C1GALT1: variants seen among roughly 807,000 people sequenced by gnomAD.
C1GALT1 encodes the protein core 1 synthase, glycoprotein-N-acetylgalactosamine 3-beta-galactosyltransferase 1.
Under a neutral mutation model 31.0 loss-of-function variants are expected in C1GALT1, and 11 were observed. The observed-to-expected ratio is 0.36, with a 90% CI of 0.22 to 0.59. C1GALT1 has a LOEUF of 0.59. C1GALT1 is among the 20% of genes least tolerant of loss of function. The pLI, the probability that C1GALT1 is intolerant of heterozygous loss-of-function variation, is 0.79. For synonymous variants in C1GALT1, 175 were observed against 143.6 expected, an observed-to-expected ratio of 1.22 and a Z score of -1.56; for missense variants, 424 against 425.2, an observed-to-expected ratio of 1.00 and a Z score of 0.03.
chr7:7,182,351 G>A (rs740532), upstream of C1GALT1, among the ~76,000 whole-genome samples: 36,307 of 152,148 alleles, frequency 0.24, 4,853 homozygotes, highest in East Asian at 0.41. Flanking sequence ...GAGAGTAGCA[G>A]ACACAAGCCG....
intron 1 of C1GALT1, among the ~76,000 whole-genome samples, chr7:7,217,327 G>A (rs1013752430): frequency 5.9e-5 from 9 of 152,110 alleles, no homozygotes; most frequent in East Asian, 1.9e-4. Flanking sequence ...GGGGTGGGGG[G>A]GCTCCAAAGC....
chr7:7,232,563 G>T (rs1783137529), intron 1 of C1GALT1, among the ~76,000 whole-genome samples: 2 of 151,026 alleles, frequency 1.3e-5, no homozygotes, highest in Admixed American at 1.3e-4. Context: ...CATGATCTCG[G>T]TCCTGCAGTC....
At chr7:7,171,331 T>C (rs1253721469) in intron 2 of C1GALT1, among the ~76,000 whole-genome samples, 4 of 152,126 alleles carry the variant, frequency 2.6e-5, no homozygotes, top group Non-Finnish European at 4.4e-5. Context: ...TGATGATATA[T>C]ATATTTATCT....
chr7:7,196,680 A>G (rs1295355870), intron 1 of C1GALT1, among the ~76,000 whole-genome samples: 1 of 152,212 alleles, frequency 6.6e-6, no homozygotes, highest in Non-Finnish European at 1.5e-5. Flanking sequence ...AATCCCACCA[A>G]CAGTGTAAAA....
chr7:7,201,301 C>G (rs1378426172), intron 1 of C1GALT1, among the ~76,000 whole-genome samples: 1 of 152,322 alleles, frequency 6.6e-6, no homozygotes, highest in Admixed American at 6.5e-5. Context: ...TTATCACCAG[C>G]GGAGGCTGCA....
rs181298197 is a variant in C1GALT1, at chr7:7,211,630, C to G, written c.-17-22673C>G. ...GTGTGGTGTAGTAGATAATTTCCAT[C>G]TAAAATTTTACTTGCCAAGATAATT... On this transcript the variant is annotated intron_variant, in intron 1 of 3. Transcript: ENST00000436587. Among the ~76,000 whole-genome samples, 295 of 152,284 alleles carry G rather than the reference C, an allele frequency of 1.9e-3. 8 individuals carry two copies. The highest frequency in any genetic ancestry group is 0.016 in the Admixed American group (240 of 15,302).
chr7:7,222,419 T>C (rs1381439668), intron 1 of C1GALT1, among the ~76,000 whole-genome samples: 2 of 152,226 alleles, frequency 1.3e-5, no homozygotes, highest in Middle Eastern at 3.2e-3. Context: ...TTTTATTTTT[T>C]CTATGGTTGT....
chr7:7,176,368 A>G (rs1369518681), intron 2 of C1GALT1, among the ~76,000 whole-genome samples: 3 of 152,250 alleles, frequency 2.0e-5, no homozygotes, highest in African/African-American at 7.2e-5. Context: ...CAACATATAC[A>G]TTTATAAATA....
chr7:7,227,763 C>T (rs971352804), intron 1 of C1GALT1, among the ~76,000 whole-genome samples: 10 of 151,612 alleles, frequency 6.6e-5, no homozygotes, highest in Non-Finnish European at 1.5e-4. Context: ...TAAGCTAACA[C>T]GTTAGCATGC....
chr7:7,211,836 A>T (rs889840697), intron 1 of C1GALT1, among the ~76,000 whole-genome samples: 1 of 152,208 alleles, frequency 6.6e-6, no homozygotes, highest in Non-Finnish European at 1.5e-5. Context: ...GCTGCAGAAG[A>T]TTACCACTTG....
intron 1 of C1GALT1, among the ~76,000 whole-genome samples, chr7:7,217,092 A>T (rs1416331572): frequency 3.9e-5 from 6 of 152,206 alleles, no homozygotes; most frequent in Non-Finnish European, 7.3e-5. Flanking sequence ...AATCCGCTGC[A>T]TACTTACCAG....
chr7:7,182,199 A>C (rs1780610355), upstream of C1GALT1, among the ~76,000 whole-genome samples: 1 of 152,204 alleles, frequency 6.6e-6, no homozygotes, highest in African/African-American at 2.4e-5. Context: ...TACAGGCCAC[A>C]AGAGTCCTGC....
intron 1 of C1GALT1, 59 bp from the exon 2 acceptor site, chr7:7,234,244 A>T: frequency 7.9e-7 from 1 of 1,259,256 alleles, no homozygotes; most frequent in South Asian, 1.4e-5. Flanking sequence ...CAGAATTTTT[A>T]CTCCGGTTAT....
In C1GALT1 at chr7:7,206,368, G is replaced by A. The variant is rs180745297; in HGVS notation, c.-18+23548G>A. Among the ~76,000 whole-genome samples, 143 of 152,072 alleles carry A rather than the reference G, an allele frequency of 9.4e-4. 2 individuals are homozygous for A. The highest frequency in any genetic ancestry group is 1.5e-4 in the Non-Finnish European group (10 of 68,002). The stretch of plus-strand genomic sequence containing the variant: ...GACTGGGAGAATTTTGCTCTACAGA[G>A]CAGGTCTTTTGGTAATAAACTCTCT... On this transcript the variant is annotated intron_variant, in intron 1 of 3. Transcript: ENST00000436587.
At chr7:7,206,905 A>G (rs577274956) in intron 1 of C1GALT1, among the ~76,000 whole-genome samples, 59 of 152,240 alleles carry the variant, frequency 3.9e-4, no homozygotes, top group African/African-American at 1.3e-3. Context: ...TTTGCCTCTT[A>G]GTGGTTTCAT....
chr7:7,212,935 A>G (rs146638277), intron 1 of C1GALT1, among the ~76,000 whole-genome samples: 307 of 152,312 alleles, frequency 2.0e-3, no homozygotes, highest in Non-Finnish European at 3.0e-3. Context: ...AACATGCTCC[A>G]AATTTTGTTT....
upstream of C1GALT1, chr7:7,178,365 G>A: frequency 4.5e-6 from 1 of 221,792 alleles, no homozygotes; most frequent in East Asian, 1.1e-4. Context: ...TTGTGAAATA[G>A]TATTGCAAGC....
In C1GALT1 at chr7:7,191,961, A is replaced by G. The variant is rs574456591; in HGVS notation, c.-18+9141A>G. On this transcript the variant is annotated intron_variant, in intron 1 of 3. Transcript: ENST00000436587. The stretch of plus-strand genomic sequence containing the variant: ...ATAGGGTCTTCTGGTGCACAAATTT[A>G]AAAATTTTTCATCAAATCTAATTTG... 3.3e-5 allele frequency among the ~76,000 whole-genome samples: 5 copies of G among 152,128 alleles called. No homozygotes were observed. The East Asian group carries it at 7.7e-4, about 24-fold the overall frequency.
At chr7:7,219,597 G>A (rs1782414887) in intron 1 of C1GALT1, among the ~76,000 whole-genome samples, 4 of 152,044 alleles carry the variant, frequency 2.6e-5, no homozygotes, top group Non-Finnish European at 5.9e-5. Context: ...AAACTATTTG[G>A]AGATTCTCAC....
Sources: gnomAD v4.1 joint callset for allele counts (sites outside exome capture counted in the v4.1 genomes callset) on GRCh38, gnomAD v4.1.1 for gene constraint, MANE v1.5 for transcripts, NCBI Gene and HGNC (gene_info 2026-07-23, HGNC 2026-07-21) for gene names.